Variants in KIF7 observed in about 807,000 individuals in gnomAD.
The protein encoded by KIF7 is kinesin family member 7.
KIF7 carries 104 observed loss-of-function variants against 135.7 expected under a neutral mutation model. That is an observed-to-expected ratio of 0.77 (90% CI 0.65 to 0.90). The LOEUF is 0.90. KIF7 is among the 40% of genes least tolerant of loss of function. The pLI is 0.00. For missense variants in KIF7, 2,005 were observed against 1,839.1 expected, an observed-to-expected ratio of 1.09 and a Z score of -1.65; for synonymous variants, 883 against 809.4, an observed-to-expected ratio of 1.09 and a Z score of -1.54.
At chr15:89,661,896 G>A in the KIF7 span, among the ~76,000 whole-genome samples, 2,080 of 151,792 alleles carry the variant, frequency 0.014, 52 homozygotes, top group African/African-American at 0.048. Context: ...CACCACACCC[G>A]GCCAATTTTT....
upstream of KIF7, among the ~76,000 whole-genome samples, chr15:89,656,879 C>G (rs949184609): frequency 4.6e-5 from 7 of 152,156 alleles, no homozygotes; most frequent in African/African-American, 1.7e-4. Flanking sequence ...CACAGAGCAG[C>G]CTGCCGCCGT....
In KIF7 at chr15:89,649,750, C is replaced by T. The variant is rs188342701; in HGVS notation, c.520G>A (p.Gly174Arg). ...RDIQLREDER[G>R]NVVLCGVKEV... Reference sequence around the variant, plus strand: ...CCCCAGAGTTCCTCACCAACATTCCCGCGCTCATCTTCCCGGAGCTGGATG... The same window carrying T: ...CCCCAGAGTTCCTCACCAACATTCCTGCGCTCATCTTCCCGGAGCTGGATG... The change falls in exon 3 of 19, where the codon GGG becomes AGG. Residue 174 changes from glycine (G) to arginine (R), a missense_variant. Physicochemically the swap from Gly to Arg is moderately radical, Grantham distance 125. Transcript: ENST00000394412. 1.0e-5 allele frequency: 16 copies of T among 1,551,740 alleles called. No homozygotes were observed. In the African/African-American group the frequency reaches 1.8e-4, roughly 17 times the overall value.
chr15:89,648,201 T>C, intron 5 of KIF7, 54 bp downstream of exon 5: 5 of 1,425,800 alleles, frequency 3.5e-6, no homozygotes, highest in Non-Finnish European at 4.6e-6. Flanking sequence ...TCTTCCTTCC[T>C]CTCCACCACT....
At position 89,648,329 on chromosome 15, in the gene KIF7, C is replaced by A; in HGVS notation, c.1369G>T (p.Ala457Ser). The A allele has an allele frequency of 6.6e-7, 1 of 1,505,802 alleles. No homozygotes were observed. Among genetic ancestry groups the A allele is most frequent in the South Asian group, 1.2e-5 (1 of 82,780 alleles). 93.3% of individuals were successfully genotyped at this position (1,505,802 alleles called of 1,614,324 possible). A position where few individuals can be genotyped will look rare whatever the true frequency, so the allele number is the denominator to read the frequency against. ...VEGERSALSS[A>S]SGPDSGIESA... Reference sequence around the variant, plus strand: ...TCGATGCCGCTATCGGGCCCGGAGGCGGAGCTCAGGGCGCTGCGCTCGCCC... The same window carrying A: ...TCGATGCCGCTATCGGGCCCGGAGGAGGAGCTCAGGGCGCTGCGCTCGCCC... The change falls in exon 5 of 19, where the codon GCC (alanine) becomes TCC (serine). Residue 457 changes from alanine (A) to serine (S), a missense_variant. Transcript: ENST00000394412.
At chr15:89,621,166 C>T (rs1264246684) in intron 1 of KIF7, among the ~76,000 whole-genome samples, 3 of 151,974 alleles carry the variant, frequency 2.0e-5, no homozygotes, top group Non-Finnish European at 2.9e-5. Context: ...ATTACAGGCC[C>T]CTGCCACCAC....
downstream of KIF7, chr15:89,625,256 C>T: frequency 1.2e-6 from 2 of 1,613,054 alleles, no homozygotes; most frequent in Non-Finnish European, 1.7e-6. Flanking sequence ...GCCTGTACCC[C>T]CACCCACGGC....
intron 12 of KIF7, 51 bp from the exon 13 acceptor site, chr15:89,633,317 C>T: frequency 2.6e-6 from 4 of 1,536,636 alleles, no homozygotes; most frequent in Non-Finnish European, 3.5e-6. Context: ...AGCATCTTAC[C>T]AGAGCCTGCC....
intron 1 of KIF7, chr15:89,618,284 C>G: frequency 3.0e-6 from 4 of 1,327,302 alleles, no homozygotes; most frequent in Non-Finnish European, 4.3e-6. Flanking sequence ...TGTATTGTTA[C>G]TTGGCATATC....
chr15:89,628,556 C>T lies in KIF7; in HGVS notation c.3895G>A (p.Ala1299Thr), dbSNP rs868862477. ...AGCACCCGCCCCACCAGGGGCTCAG[C>T]CGCCTCCCGCTGCCTCAGTTCCTCG... is the stretch of plus-strand genomic sequence containing the variant. ...SPEELRQREA[A>T]EPLVGRVLPV... Residue 1299 changes from alanine to threonine, a missense_variant, in exon 19 of 19, where the codon GCT becomes ACT. Transcript: ENST00000394412. 6.2e-7 allele frequency: 1 copy of T among 1,613,246 alleles called. No individual in the cohort carries two copies. The highest frequency in any genetic ancestry group is 1.3e-5 in the African/African-American group (1 of 74,944).
At chr15:89,622,999 G>A (rs1280221562), downstream of KIF7, among the ~76,000 whole-genome samples, 2 of 152,230 alleles carry the variant, frequency 1.3e-5, no homozygotes, top group African/African-American at 4.8e-5. Context: ...TAGACTGAGA[G>A]TCCCCTGACG....
chr15:89,618,120 T>A (rs1255785436), exon 2 of KIF7: 5 of 1,608,548 alleles, frequency 3.1e-6, no homozygotes, highest in Non-Finnish European at 4.3e-6. Flanking sequence ...ACAAGTGGTA[T>A]GGAGTAATCC....
At chr15:89,630,612 A>G in intron 15 of KIF7, 119 bp from the exon 16 acceptor site, 1 of 851,268 alleles carries the variant, frequency 1.2e-6, no homozygotes, top group Non-Finnish European at 1.9e-6. Context: ...CCTCGTCCCA[A>G]GGGCCAAGTC....
In KIF7 at chr15:89,642,222, G is replaced by A. The variant is rs375985448; in HGVS notation, c.2375C>T (p.Ala792Val). Residue 792 changes from alanine to valine, a missense_variant, in exon 11 of 19, where the codon GCG becomes GTG. Transcript: ENST00000394412. ...ACTAACCTGCACCTGGCTCTGGGCC[G>A]CAGCGACCCTCCTGCGGAACTCCTG... ...RLQEFRRRVA[A>V]AQSQVQVLKE... The A allele has an allele frequency of 6.2e-6, 10 of 1,610,134 alleles. No individual in the cohort carries two copies. Among genetic ancestry groups the A allele is most frequent in the East Asian group, 2.2e-5 (1 of 44,840 alleles).
chr15:89,623,157 C>G (rs1044922075), downstream of KIF7, among the ~76,000 whole-genome samples: 1 of 152,198 alleles, frequency 6.6e-6, no homozygotes, highest in African/African-American at 2.4e-5. Context: ...CCTTATATAT[C>G]TGTGTATTCC....
chr15:89,646,759 C>T, intron 7 of KIF7, 71 bp downstream of exon 7: 1 of 1,375,334 alleles, frequency 7.3e-7, no homozygotes, highest in South Asian at 1.2e-5. Flanking sequence ...TGCCCCAGTG[C>T]CCCCTTCCCC....
downstream of KIF7, chr15:89,625,048 C>T (rs771243408): frequency 1.9e-6 from 3 of 1,613,976 alleles, no homozygotes; most frequent in East Asian, 6.7e-5. Context: ...GAAGATAGAC[C>T]CCAGCTCTTC....
chr15:89,649,703 G>GCC, intron 3 of KIF7, 38 bp downstream of exon 3: 1 of 1,543,464 alleles, frequency 6.5e-7, no homozygotes, highest in Non-Finnish European at 8.8e-7. Context: ...GCCCCCCTAA[G>GCC]CCCCTCTCCG....
chr15:89,634,422 C>T (rs1434818275), intron 11 of KIF7, among the ~76,000 whole-genome samples: 2 of 152,204 alleles, frequency 1.3e-5, no homozygotes, highest in South Asian at 4.1e-4. Flanking sequence ...GTACTGGGTT[C>T]ATCTCACTAG....
chr15:89,638,015 T>C (rs1424701602), intron 11 of KIF7, among the ~76,000 whole-genome samples: 1 of 124,084 alleles, frequency 8.1e-6, no homozygotes, highest in Non-Finnish European at 1.8e-5. Context: ...GCTGGTTCAA[T>C]ATACGCAAAT....
Sources: allele counts gnomAD v4.1 joint callset (sites outside exome capture counted in the v4.1 genomes callset), GRCh38; gene constraint gnomAD v4.1.1; transcripts MANE v1.5; gene names NCBI Gene and HGNC (gene_info 2026-07-23, HGNC 2026-07-21).